The following NRXN3 variants were observed in gnomAD, a reference collection of about 807,000 sequenced individuals.
NRXN3 encodes neurexin 3.
Under a neutral mutation model 137.6 loss-of-function variants are expected in NRXN3, and 32 were observed. The ratio of observed to expected loss-of-function variants is 0.23; its 90% CI spans 0.18 to 0.31. The LOEUF (loss-of-function observed/expected upper bound fraction) is 0.31. NRXN3 is among the 10% of genes least tolerant of loss of function. NRXN3 has a pLI of 1.00. For missense variants in NRXN3, 1,574 were observed against 2,062.5 expected, an observed-to-expected ratio of 0.76 and a Z score of 4.59; for synonymous variants, 798 against 784.5, an observed-to-expected ratio of 1.02 and a Z score of -0.29.
At chr14:79,832,566 C>A (rs759988843) in intron 20 of NRXN3, among the ~76,000 whole-genome samples, 2 of 152,142 alleles carry the variant, frequency 1.3e-5, no homozygotes, top group South Asian at 4.1e-4. Context: ...AAGATGCTAA[C>A]GGCATCTAGT....
At chr14:79,164,469 T>A (rs562834622) in intron 15 of NRXN3, among the ~76,000 whole-genome samples, 14 of 152,130 alleles carry the variant, frequency 9.2e-5, no homozygotes, top group Middle Eastern at 6.8e-3. Flanking sequence ...TTTACTTTAA[T>A]TTCTTTGGTA....
intron 10 of NRXN3, among the ~76,000 whole-genome samples, chr14:78,943,622 AT>A (rs778996199): frequency 0.34 from 8,050 of 23,736 alleles, 1,150 homozygotes; most frequent in East Asian, 0.53. Flanking sequence ...AAAAAAAAAA[AT>A]ATATATATAT....
At chr14:78,867,446 ATT>A (rs1200582230) in intron 10 of NRXN3, among the ~76,000 whole-genome samples, 1 of 152,172 alleles carries the variant, frequency 6.6e-6, no homozygotes, top group African/African-American at 2.4e-5. Context: ...GATCACAGCA[ATT>A]GTTTAATTTT....
chr14:79,739,756 A>G (rs2098954543), intron 19 of NRXN3, among the ~76,000 whole-genome samples: 1 of 150,666 alleles, frequency 6.6e-6, no homozygotes, highest in African/African-American at 2.4e-5. Context: ...TGAGGTCATC[A>G]CCAGCTACGG....
At chr14:79,802,796 C>G (rs2099186940) in intron 19 of NRXN3, among the ~76,000 whole-genome samples, 1 of 152,092 alleles carries the variant, frequency 6.6e-6, no homozygotes, top group Non-Finnish European at 1.5e-5. Context: ...AATAACAGCC[C>G]CCCAGGATGT....
At chr14:78,177,472 G>A (rs1377890138) in intron 1 of NRXN3, among the ~76,000 whole-genome samples, 1 of 152,142 alleles carries the variant, frequency 6.6e-6, no homozygotes, top group African/African-American at 2.4e-5. Flanking sequence ...AGCAGAGCAT[G>A]AATGCATTTC....
chr14:78,562,065 A>G (rs2096791399), intron 4 of NRXN3, among the ~76,000 whole-genome samples: 1 of 152,188 alleles, frequency 6.6e-6, no homozygotes, highest in African/African-American at 2.4e-5. Flanking sequence ...GAATGTGGAT[A>G]GGCCCTATGA....
At chr14:79,484,023 C>T (rs73339495) in intron 16 of NRXN3, among the ~76,000 whole-genome samples, 3,642 of 152,112 alleles carry the variant, frequency 0.024, 162 homozygotes, top group East Asian at 0.15. Context: ...GTTCAAGGTT[C>T]GATTTCCTCC....
chr14:79,002,758 G>A (rs569604182), intron 15 of NRXN3, among the ~76,000 whole-genome samples: 1 of 152,098 alleles, frequency 6.6e-6, no homozygotes, highest in South Asian at 2.1e-4. Context: ...TGGGTCAAAC[G>A]GTATTTCTGG....
intron 15 of NRXN3, among the ~76,000 whole-genome samples, chr14:79,362,703 G>T (rs1427596028): frequency 6.6e-6 from 1 of 152,148 alleles, no homozygotes; most frequent in Non-Finnish European, 1.5e-5. Context: ...TCAGACCTAG[G>T]CACCATGTAC....
intron 10 of NRXN3, among the ~76,000 whole-genome samples, chr14:78,848,487 T>C (rs1392317769): frequency 1.3e-5 from 2 of 151,546 alleles, no homozygotes; most frequent in African/African-American, 4.9e-5. Context: ...TTACAGGCCG[T>C]GCCTTCAGAT....
At chr14:78,914,069 A>C (rs1188424267) in intron 10 of NRXN3, among the ~76,000 whole-genome samples, 9 of 152,160 alleles carry the variant, frequency 5.9e-5, no homozygotes, top group African/African-American at 2.2e-4. Flanking sequence ...GGATTTGTGA[A>C]ATCCAAACTG....
rs186949227 is a variant in NRXN3 at position 78,527,448 on chromosome 14, A to G, written c.758-117672A>G. On this transcript the variant is annotated intron_variant, in intron 4 of 20. Coordinates refer to ENST00000335750, the MANE Select transcript of NRXN3 (RefSeq NM_001330195.2). Reference sequence around the variant, plus strand: ...ACAGTACCAAGGAGGATGGTGTTAAACCATTCATGAGAACTCCACTCCCAT... The same window carrying G: ...ACAGTACCAAGGAGGATGGTGTTAAGCCATTCATGAGAACTCCACTCCCAT... Among the ~76,000 whole-genome samples the G allele has an allele frequency of 7.2e-5, 11 of 152,240 alleles. No homozygotes were observed. In the East Asian group the frequency reaches 2.1e-3, roughly 29 times the overall value.
chr14:79,562,423 C>CT (rs2097506900), intron 16 of NRXN3, among the ~76,000 whole-genome samples: 1 of 152,084 alleles, frequency 6.6e-6, no homozygotes, highest in South Asian at 2.1e-4. Context: ...GAAGACGATA[C>CT]TTAGATCATT....
At chr14:79,365,547 G>A (rs2093847265) in intron 15 of NRXN3, among the ~76,000 whole-genome samples, 1 of 149,986 alleles carries the variant, frequency 6.7e-6, no homozygotes, top group Non-Finnish European at 1.5e-5. Flanking sequence ...GTGAAACCCC[G>A]TCTCTACTAA....
chr14:79,528,799 T>C (rs568165441), intron 16 of NRXN3, among the ~76,000 whole-genome samples: 22 of 152,322 alleles, frequency 1.4e-4, no homozygotes, highest in African/African-American at 5.1e-4. Context: ...TGTTTTCTTC[T>C]TCAGCTTAAT....
intron 4 of NRXN3, among the ~76,000 whole-genome samples, chr14:78,354,263 C>A (rs1339551282): frequency 6.6e-6 from 1 of 152,152 alleles, no homozygotes; most frequent in Non-Finnish European, 1.5e-5. Context: ...CCATTGTATT[C>A]CACTGGTCAA....
Position 79,663,808 on chromosome 14 carries a change from A to T in NRXN3, c.3475A>T (p.Ile1159Phe). 1.2e-6 allele frequency: 2 copies of T among 1,613,252 alleles called. No homozygotes were observed. Among genetic ancestry groups the T allele is most frequent in the Non-Finnish European group, 8.5e-7 (1 of 1,179,564 alleles). Residue 1159 changes from isoleucine (I) to phenylalanine (F), a missense_variant, in exon 17 of 21, where the codon ATT becomes TTT. By Grantham distance (21) the Ile-to-Phe change is conservative (BLOSUM62 0). Around this residue, in one of 5 missense-constraint regions of NRXN3, gnomAD observed 133 missense variants for 241.8 expected, o/e 0.55. Transcript: ENST00000335750. ...EQGKIGVVFN[I>F]GTVDISIKEE... ...GGGGAAAATTGGAGTTGTCTTCAAC[A>T]TTGGCACAGTTGACATCTCCATCAA...
intron 15 of NRXN3, among the ~76,000 whole-genome samples, chr14:79,197,817 C>T (rs772940185): frequency 3.3e-5 from 5 of 152,102 alleles, no homozygotes; most frequent in African/African-American, 9.7e-5. Context: ...TTGTAGCATG[C>T]GATGCTATTT....
Sources: allele counts gnomAD v4.1 joint callset (sites outside exome capture counted in the v4.1 genomes callset), GRCh38; gene constraint gnomAD v4.1.1; regional missense constraint gnomAD v4.1.1; transcripts MANE v1.5; gene names NCBI Gene and HGNC (gene_info 2026-07-23, HGNC 2026-07-21).